Variants in ZDHHC14 observed in about 807,000 individuals in gnomAD.
ZDHHC14 encodes the protein palmitoyltransferase ZDHHC14.
A neutral mutation model predicts 47.7 loss-of-function variants in ZDHHC14; 16 were observed. The observed-to-expected ratio is 0.34, with a 90% confidence interval of 0.23 to 0.51. The LOEUF (loss-of-function observed/expected upper bound fraction) is 0.51. Ranked by LOEUF, ZDHHC14 falls within the 20% of genes least tolerant of loss-of-function variation. ZDHHC14 has a pLI of 0.97. For missense variants in ZDHHC14, 515 were observed against 662.5 expected (o/e 0.78, Z 2.44); for synonymous variants, 293 against 278.9 (o/e 1.05, Z -0.50).
chr6:157,636,378 T>C (rs1356771308), intron 5 of ZDHHC14, among the ~76,000 whole-genome samples: 3 of 152,128 alleles, frequency 2.0e-5, no homozygotes, highest in African/African-American at 7.2e-5. Context: ...TCTATATCTG[T>C]ATGTCTATCA....
intron 1 of ZDHHC14, among the ~76,000 whole-genome samples, chr6:157,539,839 C>T (rs981220055): frequency 2.6e-5 from 4 of 151,898 alleles, no homozygotes; most frequent in Admixed American, 6.5e-5. Context: ...GTAGAAGTTA[C>T]CGTTATTCAC....
intron 2 of ZDHHC14, among the ~76,000 whole-genome samples, chr6:157,567,197 G>A (rs2114850768): frequency 1.3e-5 from 2 of 152,124 alleles, no homozygotes; most frequent in South Asian, 4.2e-4. Context: ...AGAACACCAG[G>A]GATGGTTCCC....
chr6:157,589,103 A>G (rs548633113), intron 2 of ZDHHC14, among the ~76,000 whole-genome samples: 1 of 152,316 alleles, frequency 6.6e-6, no homozygotes, highest in Admixed American at 6.5e-5. Flanking sequence ...AGGAGGCCTC[A>G]GGAAACTTAC....
intron 2 of ZDHHC14, among the ~76,000 whole-genome samples, chr6:157,574,569 A>C (rs1243143154): frequency 6.6e-6 from 1 of 151,862 alleles, no homozygotes; most frequent in Non-Finnish European, 1.5e-5. Context: ...CACTCCCCTC[A>C]CCCAGCACCA....
At position 157,514,579 on chromosome 6, in the gene ZDHHC14, G is replaced by A. The variant is rs565166564; in HGVS notation, c.246-28006G>A. 1.3e-4 allele frequency among the ~76,000 whole-genome samples: 20 copies of A among 152,364 alleles called. No homozygotes were observed. In the East Asian group the frequency reaches 3.7e-3, roughly 28 times the overall value. ...CCCAATCTAGTACTTCAGTTTCTAT[G>A]TTTATTGCTAGGCAGTGAATATTGA... On this transcript the variant is annotated intron_variant, in intron 1 of 8. Coordinates refer to ENST00000359775, the MANE Select transcript of ZDHHC14 (RefSeq NM_024630.3).
chr6:157,596,370 C>A (rs1282532100), intron 3 of ZDHHC14, among the ~76,000 whole-genome samples: 1 of 152,140 alleles, frequency 6.6e-6, no homozygotes, highest in African/African-American at 2.4e-5. Context: ...GCTTCCCTTA[C>A]CTTGTAACGA....
intron 2 of ZDHHC14, among the ~76,000 whole-genome samples, chr6:157,579,190 G>GTTGT (rs1562490099): frequency 3.1e-5 from 2 of 63,968 alleles, no homozygotes; most frequent in African/African-American, 1.1e-4. Flanking sequence ...TTGATTCTGT[G>GTTGT]TTTTTTTTTT....
At chr6:157,484,278 CGT>C (rs1491333700) in intron 1 of ZDHHC14, among the ~76,000 whole-genome samples, 6 of 120,872 alleles carry the variant, frequency 5.0e-5, no homozygotes, top group Non-Finnish European at 6.9e-5. Context: ...TGTATATATA[CGT>C]ATATATATAT....
At chr6:157,580,130 T>C (rs1783460244) in intron 2 of ZDHHC14, among the ~76,000 whole-genome samples, 1 of 152,324 alleles carries the variant, frequency 6.6e-6, no homozygotes, top group East Asian at 1.9e-4. Flanking sequence ...CTCTTTTATT[T>C]CTGCACCTAT....
intron 2 of ZDHHC14, among the ~76,000 whole-genome samples, chr6:157,567,545 G>A (rs536731331): frequency 1.8e-4 from 27 of 152,250 alleles, no homozygotes; most frequent in Admixed American, 7.2e-4. Context: ...GCCGGGCGCC[G>A]TGGCTTTTGC....
Position 157,381,747 on chromosome 6 carries a change from G to C in ZDHHC14, c.-275G>C, listed in dbSNP as rs910728961. On this transcript the variant is annotated 5_prime_UTR_variant, in exon 1 of 9. Coordinates refer to ENST00000359775, the MANE Select transcript of ZDHHC14 (RefSeq NM_024630.3). Reference sequence around the variant, plus strand: ...CGGCCGGGCTGAGCCCCGCGCCCCGGGACGCGGGCTGGAAGCGACGGAGGA... The same window carrying C: ...CGGCCGGGCTGAGCCCCGCGCCCCGCGACGCGGGCTGGAAGCGACGGAGGA... 4.8e-5 allele frequency: 7 copies of C among 146,596 alleles called. No individual in the cohort carries two copies. The highest frequency in any genetic ancestry group is 1.7e-4 in the African/African-American group (7 of 40,692). 9.1% of individuals were successfully genotyped at this position (146,596 alleles called of 1,614,324 possible). A position where few individuals can be genotyped will look rare whatever the true frequency, so the allele number is the denominator to read the frequency against.
chr6:157,669,216 G>T (rs1235381902), intron 8 of ZDHHC14, among the ~76,000 whole-genome samples: 1 of 152,154 alleles, frequency 6.6e-6, no homozygotes, highest in Non-Finnish European at 1.5e-5. Context: ...GAAGGTTCTC[G>T]TGGGTGTGCA....
chr6:157,491,447 A>C (rs1779913631), intron 1 of ZDHHC14, among the ~76,000 whole-genome samples: 2 of 152,214 alleles, frequency 1.3e-5, no homozygotes, highest in South Asian at 4.1e-4. Context: ...TTATGGAATG[A>C]TTGATTGGGC....
At chr6:157,564,559 G>A (rs1337960928) in intron 2 of ZDHHC14, among the ~76,000 whole-genome samples, 2 of 152,162 alleles carry the variant, frequency 1.3e-5, no homozygotes, top group Non-Finnish European at 2.9e-5. Flanking sequence ...TCTCTGCAAG[G>A]TAGTAAACAT....
chr6:157,635,766 G>A (rs909029937), intron 5 of ZDHHC14, among the ~76,000 whole-genome samples: 13 of 152,218 alleles, frequency 8.5e-5, no homozygotes, highest in African/African-American at 2.9e-4. Context: ...CGTGCTGGCC[G>A]TGCCCGGAGC....
chr6:157,659,799 T>C (rs1448180635), intron 8 of ZDHHC14, among the ~76,000 whole-genome samples: 1 of 152,226 alleles, frequency 6.6e-6, no homozygotes, highest in Non-Finnish European at 1.5e-5. Context: ...TTGGATATAG[T>C]TAGAGCTCAA....
At chr6:157,552,562 G>A (rs914652230) in intron 2 of ZDHHC14, among the ~76,000 whole-genome samples, 3 of 152,182 alleles carry the variant, frequency 2.0e-5, no homozygotes, top group African/African-American at 7.2e-5. Context: ...ACAAAAGGAA[G>A]CAAAGGACTC....
intron 1 of ZDHHC14, among the ~76,000 whole-genome samples, chr6:157,407,213 TG>T (rs1423968569): frequency 1.3e-5 from 2 of 152,146 alleles, no homozygotes; most frequent in Non-Finnish European, 1.5e-5. Context: ...CTTGGGCTGC[TG>T]GGTTGCAGAG....
intron 1 of ZDHHC14, among the ~76,000 whole-genome samples, chr6:157,421,677 G>A (rs1562418967): frequency 2.0e-5 from 3 of 151,670 alleles, no homozygotes; most frequent in East Asian, 2.0e-4. Context: ...GCACAATCCC[G>A]GCTCACAGCA....
Sources: allele counts gnomAD v4.1 joint callset (sites outside exome capture counted in the v4.1 genomes callset), GRCh38; gene constraint gnomAD v4.1.1; transcripts MANE v1.5; gene names NCBI Gene and HGNC (gene_info 2026-07-23, HGNC 2026-07-21).